Variants in SCAPER observed in about 807,000 individuals in gnomAD.
SCAPER encodes the protein S phase cyclin A-associated protein in the endoplasmic reticulum.
In SCAPER, 98 loss-of-function variants were observed where a neutral mutation model predicts 182.2. The ratio of observed to expected loss-of-function variants is 0.54; its 90% CI spans 0.46 to 0.64. The LOEUF (loss-of-function observed/expected upper bound fraction) is 0.64, where lower values mean the gene tolerates loss of function less well. SCAPER is among the 30% of genes least tolerant of loss of function. The pLI is 0.00. For missense variants in SCAPER, 1,432 were observed against 1,690.0 expected, an observed-to-expected ratio of 0.85 and a Z score of 2.68; for synonymous variants, 605 against 564.6, an observed-to-expected ratio of 1.07 and a Z score of -1.01.
chr15:76,482,322 A>G (rs1311800433), intron 24 of SCAPER, among the ~76,000 whole-genome samples: 2 of 152,152 alleles, frequency 1.3e-5, no homozygotes. Flanking sequence ...GTTCCCTGTC[A>G]TGCTTAGAAA....
chr15:76,499,310 A>G (rs183039348), intron 24 of SCAPER, among the ~76,000 whole-genome samples: 34 of 152,312 alleles, frequency 2.2e-4, no homozygotes, highest in African/African-American at 7.0e-4. Flanking sequence ...CTTCATTTAT[A>G]TAGTGTGATA....
intron 25 of SCAPER, among the ~76,000 whole-genome samples, chr15:76,460,503 G>T (rs1413676916): frequency 1.3e-5 from 2 of 151,976 alleles, no homozygotes; most frequent in Non-Finnish European, 2.9e-5. Context: ...ACTGCAAATG[G>T]GGACAATTTA....
intron 21 of SCAPER, among the ~76,000 whole-genome samples, chr15:76,624,891 G>A (rs1422972404): frequency 2.0e-5 from 3 of 152,184 alleles, no homozygotes; most frequent in African/African-American, 4.8e-5. Flanking sequence ...CATGGTAAGG[G>A]CAATGGCAGT....
intron 20 of SCAPER, among the ~76,000 whole-genome samples, chr15:76,692,381 C>T (rs2147143031): frequency 6.6e-6 from 1 of 151,998 alleles, no homozygotes; most frequent in South Asian, 2.1e-4. Context: ...ACGTATTCAC[C>T]TTAGGAGTTA....
chr15:76,588,218 G>A (rs146846690), intron 22 of SCAPER, among the ~76,000 whole-genome samples: 4,367 of 152,180 alleles, frequency 0.029, 193 homozygotes, highest in African/African-American at 0.094. Flanking sequence ...CACCGCGCCC[G>A]GCCCTGTCTC....
chr15:76,550,791 G>A (rs754683448), intron 23 of SCAPER, among the ~76,000 whole-genome samples: 10 of 152,232 alleles, frequency 6.6e-5, no homozygotes, highest in African/African-American at 9.6e-5. Flanking sequence ...CAATGGTTGA[G>A]CTAATTTACA....
intron 26 of SCAPER, among the ~76,000 whole-genome samples, chr15:76,427,234 A>G (rs2046500774): frequency 6.6e-6 from 1 of 152,226 alleles, no homozygotes. Flanking sequence ...ATATCAAACT[A>G]AAATGCTTTT....
At chr15:76,503,603 A>G (rs1036321892) in intron 24 of SCAPER, among the ~76,000 whole-genome samples, 1 of 152,236 alleles carries the variant, frequency 6.6e-6, no homozygotes, top group African/African-American at 2.4e-5. Context: ...CAGTTTACAA[A>G]GAGGTCTCAT....
chr15:76,522,589 T>A (rs1414245578), intron 23 of SCAPER, among the ~76,000 whole-genome samples: 1 of 152,128 alleles, frequency 6.6e-6, no homozygotes, highest in Non-Finnish European at 1.5e-5. Flanking sequence ...AAACTTCAGA[T>A]TTTTACACTA....
intron 23 of SCAPER, among the ~76,000 whole-genome samples, chr15:76,514,498 C>A (rs1271816380): frequency 6.6e-6 from 1 of 152,202 alleles, no homozygotes; most frequent in Non-Finnish European, 1.5e-5. Context: ...TCTTTGGCAG[C>A]CTGCAAAGGC....
chr15:76,778,773 G>C (rs1445034800), intron 8 of SCAPER, among the ~76,000 whole-genome samples: 1 of 151,858 alleles, frequency 6.6e-6, no homozygotes. Flanking sequence ...CAAGCAGGGA[G>C]CTCAGCTTAC....
rs77341291 is a variant in SCAPER, at chr15:76,518,500, G to C, written c.2839-13526C>G. Among the ~76,000 whole-genome samples the C allele has an allele frequency of 2.0e-5, 3 of 152,308 alleles. No individual in the cohort carries two copies. In the East Asian group the frequency reaches 5.8e-4, roughly 29 times the overall value. ...GCAAGTACTGGGTCTGCTTAATTTA[G>C]TCTAAAGGAAACGAAGGGAAGGAAA... is the stretch of plus-strand genomic sequence containing the variant. On this transcript the variant is annotated intron_variant, in intron 23 of 31. Transcript: ENST00000563290.
At chr15:76,364,015 A>G (rs1038213839) in intron 29 of SCAPER, among the ~76,000 whole-genome samples, 1 of 152,134 alleles carries the variant, frequency 6.6e-6, no homozygotes, top group Non-Finnish European at 1.5e-5. Flanking sequence ...CCCCAAACAC[A>G]CACACCTTGC....
rs372507166 is a variant in SCAPER, at chr15:76,804,546, C to A, written c.481G>T (p.Asp161Tyr). Residue 161 changes from aspartate to tyrosine, a missense_variant, in exon 6 of 32, where the codon GAT becomes TAT. Physicochemically the swap from Asp to Tyr is radical, Grantham distance 160 (BLOSUM62 -3). This residue lies in a region of SCAPER where 480 missense variants were observed against 510.2 expected (regional missense o/e 0.94). Coordinates refer to ENST00000563290, the MANE Select transcript of SCAPER (RefSeq NM_020843.4). ...AGAGCTCATTACCTGCTTTGAGCATCTGTCTTCTCTAGCTTTTCCTGAAGC... is the reference window on the plus strand; with the variant it reads ...AGAGCTCATTACCTGCTTTGAGCATATGTCTTCTCTAGCTTTTCCTGAAGC... ...IQLQEKLEKT[D>Y]AQSRPTSLAW... is the part of the protein sequence containing the mutation. 2 of 1,608,952 alleles carry A rather than the reference C, an allele frequency of 1.2e-6. No homozygotes were observed. The highest frequency in any genetic ancestry group is 2.7e-5 in the African/African-American group (2 of 74,804).
chr15:76,569,099 G>A (rs940124043), intron 23 of SCAPER, among the ~76,000 whole-genome samples: 7 of 151,714 alleles, frequency 4.6e-5, no homozygotes, highest in Non-Finnish European at 1.0e-4. Context: ...TTAAGCAGAC[G>A]TCTTGACAGT....
At chr15:76,520,808 T>C (rs879667766) in intron 23 of SCAPER, among the ~76,000 whole-genome samples, 1 of 152,232 alleles carries the variant, frequency 6.6e-6, no homozygotes, top group African/African-American at 2.4e-5. Context: ...AACCCAGATA[T>C]GTCTGACTCT....
chr15:76,391,287 A>G lies in SCAPER; in HGVS notation c.3468-9672T>C, dbSNP rs145725883. 9.7e-4 allele frequency among the ~76,000 whole-genome samples: 148 copies of G among 152,280 alleles called. 1 individual carries two copies. The East Asian group carries it at 0.018, about 18-fold the overall frequency. The stretch of plus-strand genomic sequence containing the variant: ...CTTCGTCTGCAGAAGCCCTTGACCA[A>G]GACATTCGGCTATATTACCAGGCTT... On this transcript the variant is annotated intron_variant, in intron 27 of 31. Transcript: ENST00000563290.
chr15:76,893,397 C>T (rs960590956), intron 1 of SCAPER, among the ~76,000 whole-genome samples: 4 of 151,840 alleles, frequency 2.6e-5, no homozygotes, highest in African/African-American at 4.8e-5. Context: ...TAGATATGTA[C>T]GCACCCAACA....
At chr15:76,866,928 T>C (rs2072341646) in intron 2 of SCAPER, among the ~76,000 whole-genome samples, 1 of 152,136 alleles carries the variant, frequency 6.6e-6, no homozygotes, top group Admixed American at 6.5e-5. Context: ...TAGTGCTGTA[T>C]GGAGATTTTA....
Sources: allele counts gnomAD v4.1 joint callset (sites outside exome capture counted in the v4.1 genomes callset), GRCh38; gene constraint gnomAD v4.1.1; regional missense constraint gnomAD v4.1.1; transcripts MANE v1.5; gene names NCBI Gene and HGNC (gene_info 2026-07-23, HGNC 2026-07-21).